The following NHS variants were observed in gnomAD, a reference collection of about 807,000 sequenced individuals.
The protein encoded by NHS is NHS actin remodeling regulator.
A neutral mutation model predicts 72.5 loss-of-function variants in NHS; 5 were observed. The ratio of observed to expected loss-of-function variants is 0.07; its 90% CI spans 0.04 to 0.14. NHS has a LOEUF of 0.14. NHS is among the 10% of genes least tolerant of loss of function. NHS has a pLI of 1.00. For synonymous variants in NHS, 464 were observed against 547.7 expected, an observed-to-expected ratio of 0.85 and a Z score of 2.13; for missense variants, 1,072 against 1,355.7, an observed-to-expected ratio of 0.79 and a Z score of 3.29.
At chrX:17,621,601 T>C (rs2065774117) in intron 1 of NHS, among the ~76,000 whole-genome samples, 1 of 111,993 alleles carries the variant, frequency 8.9e-6, no homozygotes, top group Non-Finnish European at 1.9e-5. Flanking sequence ...CTCTCCAACC[T>C]AGTCTGCTGC....
At chrX:17,512,997 T>G (rs765845090) in intron 1 of NHS, among the ~76,000 whole-genome samples, 1 of 112,043 alleles carries the variant, frequency 8.9e-6, no homozygotes, top group African/African-American at 3.2e-5. Flanking sequence ...TTACCTGGTC[T>G]CACCTACTCA....
At chrX:17,619,639 T>C (rs1336463600) in intron 1 of NHS, among the ~76,000 whole-genome samples, 2 of 112,333 alleles carry the variant, frequency 1.8e-5, no homozygotes, top group African/African-American at 6.5e-5. Context: ...GCTTTTTATC[T>C]GGGGCAGATG....
intron 1 of NHS, among the ~76,000 whole-genome samples, chrX:17,653,946 G>A (rs1015372901): frequency 2.7e-5 from 3 of 111,306 alleles, no homozygotes; most frequent in African/African-American, 9.8e-5. Flanking sequence ...CCTTTGAGAA[G>A]CAAGGCTAAG....
chrX:17,379,603 C>T lies in NHS; in HGVS notation c.565+3281C>T, dbSNP rs769494104. On this transcript the variant is annotated intron_variant, in intron 1 of 8. Transcript: ENST00000676302. ...CAGCCTGGCCAACATGGTGAAACCC[C>T]GTCTCTACTAAAAATACAAAAATTA... is the stretch of plus-strand genomic sequence containing the variant. 1.9e-3 allele frequency among the ~76,000 whole-genome samples: 210 copies of T among 110,759 alleles called. 2 individuals are homozygous for T. Among genetic ancestry groups the T allele is most frequent in the African/African-American group, 6.5e-3 (199 of 30,471 alleles).
At chrX:17,719,049 G>T (rs752384804) in intron 3 of NHS, among the ~76,000 whole-genome samples, 1 of 86,677 alleles carries the variant, frequency 1.2e-5, no homozygotes, top group Non-Finnish European at 2.3e-5. Flanking sequence ...AGGGAGGGAA[G>T]GAAGGAAGGG....
chrX:17,639,700 AC>A (rs1252550559), intron 1 of NHS, among the ~76,000 whole-genome samples: 1 of 112,534 alleles, frequency 8.9e-6, no homozygotes, highest in Non-Finnish European at 1.9e-5. Context: ...AGCCCTCATA[AC>A]CCAATCACTT....
intron 1 of NHS, among the ~76,000 whole-genome samples, chrX:17,562,446 T>C (rs1680818110): frequency 9.0e-6 from 1 of 111,625 alleles, no homozygotes; most frequent in Non-Finnish European, 1.9e-5. Context: ...CCTGTGGGTA[T>C]AGTGGCCTTC....
chrX:17,448,349 T>C (rs1169033214), intron 1 of NHS, among the ~76,000 whole-genome samples: 1 of 112,412 alleles, frequency 8.9e-6, no homozygotes, highest in Non-Finnish European at 1.9e-5. Context: ...ATAGATGTCA[T>C]GGAATTCTAA....
At chrX:17,568,620 T>C (rs1246696863) in intron 1 of NHS, among the ~76,000 whole-genome samples, 2 of 103,577 alleles carry the variant, frequency 1.9e-5, no homozygotes, top group African/African-American at 7.0e-5. Flanking sequence ...GTCCTTCATG[T>C]AATAGATCAG....
intron 1 of NHS, among the ~76,000 whole-genome samples, chrX:17,486,942 A>G (rs1401597916): frequency 9.0e-6 from 1 of 111,245 alleles, no homozygotes; most frequent in Non-Finnish European, 1.9e-5. Context: ...TACAGGTAAG[A>G]AAACTGAGGC....
intron 1 of NHS, among the ~76,000 whole-genome samples, chrX:17,385,923 G>T (rs1449510327): frequency 8.9e-6 from 1 of 111,797 alleles, no homozygotes; most frequent in Non-Finnish European, 1.9e-5. Context: ...AAAGACCTTA[G>T]TACCCATAGA....
Position 17,502,669 on chromosome X carries a change from G to C in NHS, c.565+126347G>C, listed in dbSNP as rs1170660995. 4.6e-5 allele frequency among the ~76,000 whole-genome samples: 2 copies of C among 43,246 alleles called. 1 individual carries two copies. Among genetic ancestry groups the C allele is most frequent in the Non-Finnish European group, 1.0e-4 (2 of 19,358 alleles). 37.6% of individuals were successfully genotyped at this position (43,246 alleles called of 115,157 possible). ...CCGGGCGTGGTGGCGGGCGCCTGTA[G>C]TCCCAGCTACTCGGGAGGCTGAGGC... On this transcript the variant is annotated intron_variant, in intron 1 of 8. Coordinates refer to ENST00000676302, the MANE Select transcript of NHS (RefSeq NM_001291867.2).
intron 1 of NHS, among the ~76,000 whole-genome samples, chrX:17,514,606 T>G (rs2065109498): frequency 8.9e-6 from 1 of 112,021 alleles, no homozygotes; most frequent in Admixed American, 9.5e-5. Flanking sequence ...GACTTCACCT[T>G]GTGATCATGT....
intron 1 of NHS, 65 bp from the exon 2 acceptor site, chrX:17,687,677 C>G (rs1457559839): frequency 8.5e-7 from 1 of 1,171,809 alleles, no homozygotes; most frequent in East Asian, 3.0e-5. Context: ...CTTCCCCACC[C>G]CAGGGTTGGC....
At chrX:17,569,205 G>A (rs2065462209) in intron 1 of NHS, among the ~76,000 whole-genome samples, 2 of 111,648 alleles carry the variant, frequency 1.8e-5, no homozygotes, top group African/African-American at 6.6e-5. Context: ...TGGGTCAAAT[G>A]GTATTTCTAG....
intron 1 of NHS, among the ~76,000 whole-genome samples, chrX:17,633,775 C>T (rs1457855497): frequency 4.5e-5 from 5 of 112,009 alleles, no homozygotes; most frequent in African/African-American, 1.6e-4. Context: ...CCTTTTAAAA[C>T]CTATTATGAC....
chrX:17,393,530 T>A (rs775815183), intron 1 of NHS, among the ~76,000 whole-genome samples: 1 of 112,641 alleles, frequency 8.9e-6, no homozygotes, highest in Admixed American at 9.4e-5. Flanking sequence ...GACATTGGAA[T>A]CTTTATTGGC....
At chrX:17,664,127 T>C (rs1021307694) in intron 1 of NHS, among the ~76,000 whole-genome samples, 2 of 111,774 alleles carry the variant, frequency 1.8e-5, no homozygotes, top group Non-Finnish European at 3.8e-5. Context: ...ATTGCAAATA[T>C]TTACTCCCAG....
intron 1 of NHS, among the ~76,000 whole-genome samples, chrX:17,386,780 C>T (rs1402874469): frequency 2.7e-5 from 3 of 111,475 alleles, no homozygotes; most frequent in East Asian, 2.8e-4. Context: ...CAGCAAACTC[C>T]CTTCCTTTAT....
Sources: allele counts gnomAD v4.1 joint callset (sites outside exome capture counted in the v4.1 genomes callset), GRCh38; gene constraint gnomAD v4.1.1; transcripts MANE v1.5; gene names NCBI Gene and HGNC (gene_info 2026-07-23, HGNC 2026-07-21).